Variants in NOS1AP observed in about 807,000 individuals in gnomAD.
NOS1AP encodes the protein nitric oxide synthase 1 adaptor protein.
A neutral mutation model predicts 56.2 loss-of-function variants in NOS1AP; 21 were observed. The ratio of observed to expected loss-of-function variants is 0.37; its 90% confidence interval spans 0.26 to 0.54. The LOEUF (loss-of-function observed/expected upper bound fraction) is 0.54, where lower values mean the gene tolerates loss of function less well. NOS1AP is among the 20% of genes least tolerant of loss of function. NOS1AP has a pLI of 0.84. For synonymous variants in NOS1AP, 270 were observed against 274.6 expected (o/e 0.98, Z 0.17); for missense variants, 522 against 657.8 (o/e 0.79, Z 2.26).
intron 2 of NOS1AP, among the ~76,000 whole-genome samples, chr1:162,195,711 G>A (rs1451377257): frequency 4.6e-5 from 7 of 151,972 alleles, no homozygotes; most frequent in Admixed American, 3.9e-4. Context: ...GTTACTATTT[G>A]ACATCCTTTT....
rs1422792369 is a variant in NOS1AP, at chr1:162,155,273, CATATACACAT to C, written c.177+805_177+814del. 2.0e-4 allele frequency among the ~76,000 whole-genome samples: 28 copies of C among 140,362 alleles called. 1 individual carries two copies. The East Asian group carries it at 2.1e-3, about 11-fold the overall frequency. 92.1% of individuals were successfully genotyped at this position (140,362 alleles called of 152,430 possible). On this transcript the variant is annotated intron_variant, in intron 2 of 9. Coordinates refer to ENST00000361897, the MANE Select transcript of NOS1AP (RefSeq NM_014697.3). Reference sequence around the variant, plus strand: ...ACACATACATATATATATACACATACATATACACATATATACATATATATGTATATGTATG... The same window carrying C: ...ACACATACATATATATATACACATACATATACATATATATGTATATGTATG...
intron 1 of NOS1AP, among the ~76,000 whole-genome samples, chr1:162,147,630 A>G (rs543141222): frequency 2.0e-5 from 3 of 152,338 alleles, no homozygotes; most frequent in South Asian, 4.1e-4. Context: ...TGAAATATTA[A>G]CTTAGTACTG....
At chr1:162,210,281 C>T (rs6697397) in intron 2 of NOS1AP, among the ~76,000 whole-genome samples, 149,962 of 152,202 alleles carry the variant, frequency 0.99, 73,917 homozygotes, top group East Asian at 1. Context: ...GGGCCCAGCT[C>T]GACCTTCAAG....
At chr1:162,175,919 G>A (rs938607994) in intron 2 of NOS1AP, among the ~76,000 whole-genome samples, 6 of 152,124 alleles carry the variant, frequency 3.9e-5, no homozygotes, top group Non-Finnish European at 7.4e-5. Flanking sequence ...CAGTGTACGC[G>A]TACAGTAGTA....
intron 1 of NOS1AP, among the ~76,000 whole-genome samples, chr1:162,120,974 C>T (rs1440639466): frequency 1.3e-5 from 2 of 151,916 alleles, no homozygotes; most frequent in African/African-American, 2.4e-5. Context: ...TCACCTACAT[C>T]TCTGATGAGC....
intron 1 of NOS1AP, among the ~76,000 whole-genome samples, chr1:162,129,912 C>G (rs149969301): frequency 2.6e-4 from 39 of 152,196 alleles, no homozygotes; most frequent in Non-Finnish European, 4.9e-4. Context: ...ATTGTAAGTC[C>G]CTTGAGGATA....
intron 2 of NOS1AP, among the ~76,000 whole-genome samples, chr1:162,242,960 C>T (rs1050211892): frequency 1.3e-5 from 2 of 150,622 alleles, no homozygotes; most frequent in Non-Finnish European, 1.5e-5. Flanking sequence ...ATGTTGCTTT[C>T]GGTTTGAGCT....
At chr1:162,257,461 C>T (rs576527846) in intron 2 of NOS1AP, among the ~76,000 whole-genome samples, 9 of 152,066 alleles carry the variant, frequency 5.9e-5, no homozygotes, top group Admixed American at 2.0e-4. Context: ...CTAGCCTGGG[C>T]AACATGACGA....
chr1:162,249,455 C>T (rs1181824905), intron 2 of NOS1AP, among the ~76,000 whole-genome samples: 3 of 152,148 alleles, frequency 2.0e-5, no homozygotes, highest in Non-Finnish European at 4.4e-5. Flanking sequence ...AATCCCTTTC[C>T]TTATGGTGTC....
At chr1:162,142,416 G>T (rs1460523608) in intron 1 of NOS1AP, among the ~76,000 whole-genome samples, 2 of 152,106 alleles carry the variant, frequency 1.3e-5, no homozygotes, top group African/African-American at 4.8e-5. Context: ...GTGTGTTTCT[G>T]CGTGTGTGTG....
intron 2 of NOS1AP, among the ~76,000 whole-genome samples, chr1:162,202,041 C>T (rs963707408): frequency 6.6e-6 from 1 of 152,002 alleles, no homozygotes; most frequent in African/African-American, 2.4e-5. Flanking sequence ...CTGGAGAGGG[C>T]AAAACTCAGG....
chr1:162,285,421 G>T (rs1655058498), intron 2 of NOS1AP, among the ~76,000 whole-genome samples: 1 of 152,308 alleles, frequency 6.6e-6, no homozygotes, highest in Middle Eastern at 3.4e-3. Flanking sequence ...GGTTATTTGA[G>T]TTCATCCAGC....
chr1:162,129,653 A>G (rs753282149), intron 1 of NOS1AP, among the ~76,000 whole-genome samples: 9 of 152,160 alleles, frequency 5.9e-5, no homozygotes, highest in Non-Finnish European at 1.3e-4. Context: ...ATTCTGTTTT[A>G]TTAAACTGCT....
chr1:162,329,856 A>G (rs957352239), intron 4 of NOS1AP, among the ~76,000 whole-genome samples: 3 of 152,254 alleles, frequency 2.0e-5, no homozygotes, highest in Admixed American at 6.5e-5. Flanking sequence ...CTTTTTGGTT[A>G]GCTAGAGATT....
chr1:162,139,759 A>C (rs1649155357), intron 1 of NOS1AP, among the ~76,000 whole-genome samples: 1 of 152,208 alleles, frequency 6.6e-6, no homozygotes, highest in South Asian at 2.1e-4. Flanking sequence ...GCTGTGTTTC[A>C]TTGGCATCTC....
At chr1:162,293,976 A>G (rs930876336) in intron 3 of NOS1AP, among the ~76,000 whole-genome samples, 3 of 152,212 alleles carry the variant, frequency 2.0e-5, no homozygotes, top group Non-Finnish European at 4.4e-5. Flanking sequence ...GATACAGATG[A>G]CTTTCCTATA....
At chr1:162,321,683 C>T (rs569557755) in intron 4 of NOS1AP, among the ~76,000 whole-genome samples, 37 of 147,912 alleles carry the variant, frequency 2.5e-4, no homozygotes, top group Non-Finnish European at 4.3e-4. Context: ...CAAACCTGCA[C>T]GTTGTGCACA....
intron 1 of NOS1AP, among the ~76,000 whole-genome samples, chr1:162,091,718 G>T (rs1692133772): frequency 6.6e-6 from 1 of 152,152 alleles, no homozygotes; most frequent in African/African-American, 2.4e-5. Flanking sequence ...TTGATGAACA[G>T]CTAAGGGAAG....
At chr1:162,115,072 C>CATTCACTTACAGATTGCCAAGT (rs1213725235) in intron 1 of NOS1AP, among the ~76,000 whole-genome samples, 18 of 152,172 alleles carry the variant, frequency 1.2e-4, no homozygotes, top group African/African-American at 4.3e-4. Flanking sequence ...TGTTTTTGTT[C>CATTCACTTACAGATTGCCAAGT]ATTCACTTAC....
Sources: gnomAD v4.1 joint callset for allele counts (sites outside exome capture counted in the v4.1 genomes callset) on GRCh38, gnomAD v4.1.1 for gene constraint, MANE v1.5 for transcripts, NCBI Gene and HGNC (gene_info 2026-07-23, HGNC 2026-07-21) for gene names.